GALNT2: variants seen among roughly 807,000 people sequenced by gnomAD.
The protein encoded by GALNT2 is UDP-GalNAc:polypeptide N-acetylgalactosaminyltransferase 2.
In GALNT2, 31 loss-of-function variants were observed where a neutral mutation model predicts 81.4. That is an observed-to-expected ratio of 0.38 (90% CI 0.29 to 0.51). The LOEUF is 0.51. Among genes scored for constraint, GALNT2 ranks in the 20% least tolerant of loss-of-function variants. The probability of loss-of-function intolerance (pLI) is 0.87; values close to 1 mark genes in which losing one functional copy is unlikely to be tolerated. For synonymous variants in GALNT2, 303 were observed against 287.4 expected, an observed-to-expected ratio of 1.05 and a Z score of -0.55; for missense variants, 629 against 765.7, an observed-to-expected ratio of 0.82 and a Z score of 2.11.
intron 3 of GALNT2, among the ~76,000 whole-genome samples, chr1:230,217,972 G>C (rs141446883): frequency 6.6e-6 from 1 of 152,342 alleles, no homozygotes; most frequent in East Asian, 1.9e-4. Context: ...GCCATTGTAG[G>C]TTTGGGAGCA....
chr1:230,216,034 T>G (rs919280685), intron 3 of GALNT2, among the ~76,000 whole-genome samples: 5 of 152,208 alleles, frequency 3.3e-5, no homozygotes, highest in Admixed American at 6.6e-5. Context: ...AAAACAGTTG[T>G]GGAAATAGCT....
chr1:230,112,769 G>T (rs1180250919), intron 1 of GALNT2, among the ~76,000 whole-genome samples: 1 of 149,536 alleles, frequency 6.7e-6, no homozygotes, highest in East Asian at 2.0e-4. Flanking sequence ...TGGCCCAGGG[G>T]GTAGGTGGCA....
intron 3 of GALNT2, among the ~76,000 whole-genome samples, chr1:230,231,524 G>A (rs549416099): frequency 6.6e-6 from 1 of 152,296 alleles, no homozygotes; most frequent in African/African-American, 2.4e-5. Flanking sequence ...CAAAGAGCTT[G>A]CGTTTGGTTA....
chr1:230,219,707 G>C (rs58141492), intron 3 of GALNT2, among the ~76,000 whole-genome samples: 5,469 of 152,290 alleles, frequency 0.036, 297 homozygotes, highest in East Asian at 0.21. Flanking sequence ...ATGCATTCCA[G>C]ATGTGGGGGC....
intron 1 of GALNT2, among the ~76,000 whole-genome samples, chr1:230,140,063 C>T (rs1661681609): frequency 1.3e-5 from 2 of 152,350 alleles, no homozygotes; most frequent in Admixed American, 6.5e-5. Flanking sequence ...CGGGTCCCTG[C>T]GTCAGCTGTA....
chr1:230,269,531 A>G (rs985912298), intron 14 of GALNT2, among the ~76,000 whole-genome samples: 10 of 152,238 alleles, frequency 6.6e-5, no homozygotes, highest in Middle Eastern at 3.4e-3. Flanking sequence ...TGCTATGCCC[A>G]GAGAGCCTGA....
intron 10 of GALNT2, among the ~76,000 whole-genome samples, chr1:230,252,295 C>T (rs1665568504): frequency 6.6e-6 from 1 of 152,308 alleles, no homozygotes; most frequent in Admixed American, 6.5e-5. Flanking sequence ...GATCCAAAAC[C>T]ACCTCCTCAA....
chr1:230,243,965 C>T lies in GALNT2; in HGVS notation c.729+538C>T, dbSNP rs150233639. Among the ~76,000 whole-genome samples, 7 of 152,114 alleles carry T rather than the reference C, an allele frequency of 4.6e-5. No homozygotes were observed. Among genetic ancestry groups the T allele is most frequent in the East Asian group, 3.9e-4 (2 of 5,126 alleles). On this transcript the variant is annotated intron_variant, in intron 7 of 15. Transcript: ENST00000366672. This position sits in a 1 kb window ranked among gnomAD's most constrained non-coding sequence, Gnocchi z 4.2. ...GGTGGGGTTGTCAGAGGGTGATCCG[C>T]GGCTCCACTTCTGCACCTTCTGCTT...
intron 2 of GALNT2, among the ~76,000 whole-genome samples, chr1:230,198,786 C>T (rs180954556): frequency 3.0e-4 from 46 of 152,262 alleles, no homozygotes; most frequent in African/African-American, 1.1e-3. Context: ...TTTCAAAGAC[C>T]ACATCTAAGA....
intron 1 of GALNT2, among the ~76,000 whole-genome samples, chr1:230,161,354 C>G (rs1443923202): frequency 6.6e-6 from 1 of 152,248 alleles, no homozygotes; most frequent in Non-Finnish European, 1.5e-5. Flanking sequence ...GAGGGCATGT[C>G]CAATGTGCAG....
At chr1:230,187,461 G>C in intron 2 of GALNT2, among the ~76,000 whole-genome samples, 1 of 152,006 alleles carries the variant, frequency 6.6e-6, no homozygotes, top group African/African-American at 2.4e-5. Context: ...TTTGGGCATC[G>C]GCAGGAGTAG....
intron 6 of GALNT2, among the ~76,000 whole-genome samples, chr1:230,239,913 CT>C (rs1665147931): frequency 6.6e-6 from 1 of 152,200 alleles, no homozygotes; most frequent in African/African-American, 2.4e-5. Context: ...CATCATACCA[CT>C]TTAAATTTAA....
At chr1:230,120,577 G>A (rs751387705) in intron 1 of GALNT2, among the ~76,000 whole-genome samples, 4 of 152,086 alleles carry the variant, frequency 2.6e-5, no homozygotes, top group Non-Finnish European at 4.4e-5. Context: ...AGCTGGACAC[G>A]AAGCAGCAGA....
intron 1 of GALNT2, among the ~76,000 whole-genome samples, chr1:230,119,040 A>C (rs1350252694): frequency 2.0e-5 from 3 of 152,160 alleles, no homozygotes; most frequent in Admixed American, 2.0e-4. Context: ...ACCATAAATC[A>C]TACTTAAAAA....
At chr1:230,123,173 G>A (rs1571987874) in intron 1 of GALNT2, among the ~76,000 whole-genome samples, 2 of 152,308 alleles carry the variant, frequency 1.3e-5, no homozygotes, top group Non-Finnish European at 1.5e-5. Flanking sequence ...AGCCTTAGGA[G>A]AAATTATACT....
At chr1:230,151,583 C>T (rs563741395) in intron 1 of GALNT2, among the ~76,000 whole-genome samples, 7 of 152,300 alleles carry the variant, frequency 4.6e-5, no homozygotes, top group African/African-American at 1.7e-4. Context: ...GTGCCTTCTT[C>T]TGTAGGATCT....
chr1:230,075,557 C>T (rs1459967907), intron 1 of GALNT2, among the ~76,000 whole-genome samples: 2 of 152,208 alleles, frequency 1.3e-5, no homozygotes, highest in East Asian at 1.9e-4. Flanking sequence ...TGGTTCTTTT[C>T]ATTTATTCTT....
chr1:230,107,539 C>A (rs1660576007), intron 1 of GALNT2, among the ~76,000 whole-genome samples: 2 of 151,224 alleles, frequency 1.3e-5, no homozygotes, highest in Admixed American at 1.3e-4. Context: ...ATGATTGTGC[C>A]ACTGTACTCC....
intron 1 of GALNT2, among the ~76,000 whole-genome samples, chr1:230,108,900 C>T (rs562516480): frequency 6.6e-6 from 1 of 151,874 alleles, no homozygotes; most frequent in Admixed American, 6.6e-5. Context: ...AGTACAGTTT[C>T]TACTGAAGGC....
Sources: gnomAD v4.1 joint callset for allele counts (sites outside exome capture counted in the v4.1 genomes callset) on GRCh38, gnomAD v4.1.1 for gene constraint, Gnocchi (gnomAD v3.1) non-coding constraint, MANE v1.5 for transcripts, NCBI Gene and HGNC (gene_info 2026-07-23, HGNC 2026-07-21) for gene names.